Variants in SUPT3H observed in about 807,000 individuals in gnomAD.
SUPT3H encodes transcription initiation protein SPT3 homolog.
Under a neutral mutation model 44.3 loss-of-function variants are expected in SUPT3H, and 44 were observed. The ratio of observed to expected loss-of-function variants is 0.99; its 90% confidence interval spans 0.78 to 1.28. The LOEUF (loss-of-function observed/expected upper bound fraction) is 1.28. SUPT3H is among the 50% of genes most tolerant of loss of function. The pLI is 0.00. For missense variants in SUPT3H, 380 were observed against 387.1 expected, an observed-to-expected ratio of 0.98 and a Z score of 0.15; for synonymous variants, 124 against 125.6, an observed-to-expected ratio of 0.99 and a Z score of 0.09.
intron 6 of SUPT3H, among the ~76,000 whole-genome samples, chr6:44,978,173 G>A (rs548226990): frequency 6.6e-6 from 1 of 152,134 alleles, no homozygotes; most frequent in South Asian, 2.1e-4. Context: ...AATTCCATAG[G>A]AATATTGCTA....
At chr6:44,999,034 C>A (rs200042463) in intron 6 of SUPT3H, among the ~76,000 whole-genome samples, 22 of 151,524 alleles carry the variant, frequency 1.5e-4, no homozygotes, top group Non-Finnish European at 3.1e-4. Context: ...TTTTTTTTCC[C>A]TTTTTAATTT....
intron 2 of SUPT3H, among the ~76,000 whole-genome samples, chr6:45,140,371 C>T (rs1046725737): frequency 2.6e-5 from 4 of 152,122 alleles, no homozygotes; most frequent in Non-Finnish European, 4.4e-5. Flanking sequence ...AGCATATTTA[C>T]CTTGGCCAAC....
intron 2 of SUPT3H, among the ~76,000 whole-genome samples, chr6:45,292,051 A>AACGTT (rs1780394987): frequency 6.6e-6 from 1 of 152,196 alleles, no homozygotes; most frequent in Non-Finnish European, 1.5e-5. Flanking sequence ...AGCACCAGGT[A>AACGTT]ACCTACAAAG....
At chr6:44,840,666 T>G (rs1246427100) in intron 10 of SUPT3H, among the ~76,000 whole-genome samples, 1 of 152,170 alleles carries the variant, frequency 6.6e-6, no homozygotes, top group Non-Finnish European at 1.5e-5. Context: ...AACAAATTTA[T>G]TTAGTTAGTA....
At chr6:44,857,432 C>G (rs1465545789) in intron 10 of SUPT3H, among the ~76,000 whole-genome samples, 1 of 152,054 alleles carries the variant, frequency 6.6e-6, no homozygotes, top group Non-Finnish European at 1.5e-5. Flanking sequence ...AACTGGTTTA[C>G]TTTGCTCTAT....
chr6:45,072,120 C>T (rs942509803), intron 3 of SUPT3H, among the ~76,000 whole-genome samples: 1 of 151,980 alleles, frequency 6.6e-6, no homozygotes, highest in Non-Finnish European at 1.5e-5. Context: ...TAATATTATC[C>T]CCACTTTACA....
At chr6:45,209,017 A>T (rs189499627) in intron 2 of SUPT3H, among the ~76,000 whole-genome samples, 1 of 152,328 alleles carries the variant, frequency 6.6e-6, no homozygotes, top group Admixed American at 6.5e-5. Flanking sequence ...AAATGAAATA[A>T]CAAAGCCTGG....
At chr6:45,348,060 T>A (rs1791250624) in intron 2 of SUPT3H, among the ~76,000 whole-genome samples, 1 of 152,110 alleles carries the variant, frequency 6.6e-6, no homozygotes, top group Admixed American at 6.5e-5. Flanking sequence ...TGTGTATGTA[T>A]CCCTCTAAAT....
At chr6:45,304,391 C>T (rs543795043) in intron 2 of SUPT3H, among the ~76,000 whole-genome samples, 1 of 152,076 alleles carries the variant, frequency 6.6e-6, no homozygotes, top group African/African-American at 2.4e-5. Context: ...TAATTATGCT[C>T]AAAGACACAC....
At chr6:44,843,363 C>G (rs1215611882) in intron 10 of SUPT3H, among the ~76,000 whole-genome samples, 1 of 152,124 alleles carries the variant, frequency 6.6e-6, no homozygotes. Flanking sequence ...GATATCTACT[C>G]CCACTGCACC....
intron 2 of SUPT3H, among the ~76,000 whole-genome samples, chr6:45,173,066 A>C (rs1271328001): frequency 6.6e-6 from 1 of 152,230 alleles, no homozygotes; most frequent in Non-Finnish European, 1.5e-5. Flanking sequence ...GAGAAGGTAC[A>C]TACAAATAAT....
chr6:45,079,766 A>C (rs1795536027), intron 3 of SUPT3H, among the ~76,000 whole-genome samples: 1 of 152,172 alleles, frequency 6.6e-6, no homozygotes, highest in South Asian at 2.1e-4. Flanking sequence ...ATGAAACTAG[A>C]CCCACATCTC....
At chr6:45,259,379 T>A (rs1017587761) in intron 2 of SUPT3H, among the ~76,000 whole-genome samples, 3 of 152,170 alleles carry the variant, frequency 2.0e-5, no homozygotes, top group African/African-American at 7.2e-5. Flanking sequence ...TTTAAAGGGC[T>A]AGGCAGAGTT....
chr6:45,285,035 T>G (rs1047467878), intron 2 of SUPT3H, among the ~76,000 whole-genome samples: 1 of 151,726 alleles, frequency 6.6e-6, no homozygotes, highest in Non-Finnish European at 1.5e-5. Flanking sequence ...TCTGAGAAAA[T>G]TCAACAGCCC....
chr6:45,167,346 T>C (rs1810055680), intron 2 of SUPT3H, among the ~76,000 whole-genome samples: 1 of 152,230 alleles, frequency 6.6e-6, no homozygotes, highest in African/African-American at 2.4e-5. Context: ...ACTTTACACC[T>C]GGCTCCACTG....
chr6:45,102,131 A>T (rs1200420693), intron 3 of SUPT3H, among the ~76,000 whole-genome samples: 1 of 152,208 alleles, frequency 6.6e-6, no homozygotes, highest in Non-Finnish European at 1.5e-5. Flanking sequence ...ATTCTGTTTT[A>T]TGTAATTTCA....
chr6:44,969,272 T>C (rs1777217895), intron 6 of SUPT3H, among the ~76,000 whole-genome samples: 1 of 152,296 alleles, frequency 6.6e-6, no homozygotes, highest in Middle Eastern at 3.4e-3. Context: ...TGTTTGAACA[T>C]ACACACACAT....
chr6:44,959,824 GACC>G (rs141701256), intron 7 of SUPT3H, among the ~76,000 whole-genome samples: 1,714 of 152,232 alleles, frequency 0.011, 14 homozygotes, highest in Non-Finnish European at 0.019. Flanking sequence ...CATATGGCAG[GACC>G]ACAATTCCTG....
At chr6:45,012,902 G>A (rs1783704340) in intron 5 of SUPT3H, among the ~76,000 whole-genome samples, 1 of 152,118 alleles carries the variant, frequency 6.6e-6, no homozygotes, top group Admixed American at 6.6e-5. Flanking sequence ...TTGTTCTTCA[G>A]AGGGTGCAGC....
Sources: allele counts gnomAD v4.1 joint callset (sites outside exome capture counted in the v4.1 genomes callset), GRCh38; gene constraint gnomAD v4.1.1; transcripts MANE v1.5; gene names NCBI Gene and HGNC (gene_info 2026-07-23, HGNC 2026-07-21).